ATAD3B: variants seen among roughly 807,000 people sequenced by gnomAD.
ATAD3B encodes the protein ATPase family AAA domain containing 3B.
Under a neutral mutation model 70.2 loss-of-function variants are expected in ATAD3B, and 59 were observed. The observed-to-expected ratio is 0.84, with a 90% CI of 0.68 to 1.04. The LOEUF (loss-of-function observed/expected upper bound fraction) is 1.04. Among genes scored for constraint, ATAD3B ranks in the 50% least tolerant of loss-of-function variants. ATAD3B has a pLI of 0.00. For missense variants in ATAD3B, 961 were observed against 913.4 expected (o/e 1.05, Z -0.67); for synonymous variants, 423 against 388.6 (o/e 1.09, Z -1.04).
At chr1:1,478,585 G>A (rs1172002368) in intron 2 of ATAD3B, 59 bp from the exon 3 acceptor site, 28 of 1,550,092 alleles carry the variant, frequency 1.8e-5, no homozygotes, top group Non-Finnish European at 2.1e-5. Flanking sequence ...ACACAGGAGC[G>A]GCTGTCAGGC....
At position 1,479,838 on chromosome 1, in the gene ATAD3B, GCA is replaced by G. The variant is rs1191895783; in HGVS notation, c.444+736_444+737del. 4.8e-5 allele frequency among the ~76,000 whole-genome samples: 6 copies of G among 124,198 alleles called. 1 individual carries two copies. Among genetic ancestry groups the G allele is most frequent in the African/African-American group, 1.9e-4 (6 of 30,992 alleles). The allele number at this position is 124,198 out of a possible 152,430, so 81.5% of individuals were successfully genotyped here. A position where few individuals can be genotyped will look rare whatever the true frequency, so the allele number is the denominator to read the frequency against. On this transcript the variant is annotated intron_variant, in intron 4 of 15. Coordinates refer to ENST00000673477, the MANE Select transcript of ATAD3B (RefSeq NM_031921.6). ...CCCACACACATACCCCTTCACACAG[GCA>G]CACACCGCCCCGCACACACGGGCCT...
chr1:1,483,146 G>T, intron 7 of ATAD3B: 1 of 401,326 alleles, frequency 2.5e-6, no homozygotes, highest in Non-Finnish European at 5.0e-6. Flanking sequence ...GAAAAAAAAA[G>T]AAAAGAATTA....
intron 9 of ATAD3B, 98 bp downstream of exon 9, chr1:1,485,936 G>C (rs1281145395): frequency 6.2e-7 from 1 of 1,602,058 alleles, no homozygotes; most frequent in African/African-American, 1.3e-5. Context: ...GCGCCCAGGA[G>C]CTTTTGGGTC....
rs536717751 is a variant in ATAD3B, at chr1:1,484,577, T to C, written c.751-439T>C. ...TCCAACCTCTGGTGATACGCCGGCC[T>C]TGGCCTCCCAAAGTGCTGGGATTAC... On this transcript the variant is annotated intron_variant, in intron 7 of 15. Transcript: ENST00000673477. The C allele has an allele frequency of 1.6e-3, 263 of 164,184 alleles. 4 individuals are homozygous for C. Among genetic ancestry groups the C allele is most frequent in the South Asian group, 0.011 (65 of 5,848 alleles). The allele number at this position is 164,184 out of a possible 1,614,324, so 10.2% of individuals were successfully genotyped here.
rs936315018 is a variant in ATAD3B at position 1,495,733 on chromosome 1, T to C, written c.1863T>C (p.Thr621=). 1.3e-5 allele frequency: 21 copies of C among 1,613,056 alleles called. No homozygotes were observed. In the Admixed American group the frequency reaches 2.2e-4, roughly 17 times the overall value. The change falls in exon 16 of 16, where the codon ACT becomes ACC. Residue 621 remains threonine (T), a synonymous_variant. Transcript: ENST00000673477. ...TTAGGATATGCTCCTGGATGGGGAC[T>C]GGGCTGTGCCCAGGGCCTCTGTCCC... is the stretch of plus-strand genomic sequence containing the variant. ...CTFRICSWMG[T]GLCPGPLSPR...
rs200599738 is a variant in ATAD3B, at chr1:1,495,694, C to A, written c.1824C>A (p.Ala608=). The change falls in exon 16 of 16, where the codon GCC becomes GCA. Residue 608 remains alanine, a synonymous_variant. Transcript: ENST00000673477. The part of the protein sequence containing the change: ...LATDPSYPCL[A]GPCTFRICSW... ...CGGACCCCTCCTACCCCTGCCTTGC[C>A]GGCCCCTGCACATTTAGGATATGCT... is the stretch of plus-strand genomic sequence containing the variant. 31 of 1,613,042 alleles carry A rather than the reference C, an allele frequency of 1.9e-5. No individual in the cohort carries two copies. Among genetic ancestry groups the A allele is most frequent in the Non-Finnish European group, 2.5e-5 (30 of 1,179,470 alleles).
the ATAD3B span, among the ~76,000 whole-genome samples, chr1:1,508,395 G>A: frequency 6.6e-6 from 1 of 151,276 alleles, no homozygotes; most frequent in Non-Finnish European, 1.5e-5. Context: ...TGCTGCCCCT[G>A]CACCCCGTGA....
chr1:1,489,298 A>G (rs776396541), intron 13 of ATAD3B, 24 bp downstream of exon 13: 13 of 1,612,938 alleles, frequency 8.1e-6, no homozygotes, highest in Non-Finnish European at 1.1e-5. Flanking sequence ...TCGGGTCCTG[A>G]GCCCCCGGGC....
At chr1:1,491,989 C>T (rs1183265488) in intron 15 of ATAD3B, among the ~76,000 whole-genome samples, 2 of 151,828 alleles carry the variant, frequency 1.3e-5, no homozygotes, top group African/African-American at 2.4e-5. Flanking sequence ...GGTTCAGGAC[C>T]AGCCTGGAAA....
downstream of ATAD3B, among the ~76,000 whole-genome samples, chr1:1,501,476 C>T (rs564012235): frequency 6.6e-6 from 1 of 152,120 alleles, no homozygotes; most frequent in African/African-American, 2.4e-5. Context: ...AGGATGGTCT[C>T]GATCTCCTGA....
downstream of ATAD3B, among the ~76,000 whole-genome samples, chr1:1,500,213 T>C (rs1029750118): frequency 1.3e-4 from 19 of 145,620 alleles, no homozygotes; most frequent in African/African-American, 3.5e-4. Context: ...TGATAACTTA[T>C]AGCAAACTTT....
In ATAD3B at chr1:1,482,202, C is replaced by G. The variant is rs573616255; in HGVS notation, c.579C>G (p.Ala193=). ...AGATGCTGCGAGTGGAGACCGAGGC[C>G]CGGGCGCGCGCCAAGGCCGAGCGGG... ...KNEMLRVETE[A]RARAKAEREN... is the part of the protein sequence containing the mutation. Residue 193 remains alanine (A), a synonymous_variant, in exon 6 of 16, where the codon GCC becomes GCG. Transcript: ENST00000673477. 6.2e-7 allele frequency: 1 copy of G among 1,611,058 alleles called. No homozygotes were observed.
chr1:1,476,270 G>A (rs371124050), intron 1 of ATAD3B, among the ~76,000 whole-genome samples: 3 of 147,632 alleles, frequency 2.0e-5, no homozygotes, highest in Non-Finnish European at 2.9e-5. Context: ...CCAAAGTGTC[G>A]CTGCCTCTGT....
chr1:1,482,885 C>T (rs777730423), intron 7 of ATAD3B, among the ~76,000 whole-genome samples: 7 of 151,876 alleles, frequency 4.6e-5, no homozygotes, highest in Non-Finnish European at 8.8e-5. Flanking sequence ...GCCTGTGGTC[C>T]TGCTACTCGA....
At chr1:1,483,123 C>T (rs1295629133) in intron 7 of ATAD3B, 4 of 409,814 alleles carry the variant, frequency 9.8e-6, no homozygotes, top group Non-Finnish European at 1.5e-5. Flanking sequence ...AACCCTGTCT[C>T]TACTAAAAAA....
the ATAD3B span, among the ~76,000 whole-genome samples, chr1:1,504,861 A>G: frequency 3.9e-5 from 6 of 152,048 alleles, no homozygotes; most frequent in African/African-American, 1.4e-4. Context: ...AAGGATGCTC[A>G]TCCTGCACTG....
intron 7 of ATAD3B, 107 bp from the exon 8 acceptor site, chr1:1,484,909 T>C: frequency 6.8e-7 from 1 of 1,477,202 alleles, no homozygotes; most frequent in Middle Eastern, 2.5e-4. Context: ...CACGGCCCTG[T>C]GCTTCTCCCT....
At chr1:1,500,813 C>T (rs1471421251), downstream of ATAD3B, among the ~76,000 whole-genome samples, 1 of 151,322 alleles carries the variant, frequency 6.6e-6, no homozygotes, top group East Asian at 2.0e-4. Flanking sequence ...AAAAATTAGC[C>T]GGGCGTGGTA....
chr1:1,473,739 C>T (rs1157617305), intron 1 of ATAD3B, among the ~76,000 whole-genome samples: 2 of 152,064 alleles, frequency 1.3e-5, no homozygotes, highest in Admixed American at 1.3e-4. Flanking sequence ...CGTGATCCAC[C>T]CGCCTCGACC....
Sources: allele counts gnomAD v4.1 joint callset (sites outside exome capture counted in the v4.1 genomes callset), GRCh38; gene constraint gnomAD v4.1.1; transcripts MANE v1.5; gene names NCBI Gene and HGNC (gene_info 2026-07-23, HGNC 2026-07-21).